SLC25A21: variants seen among roughly 807,000 people sequenced by gnomAD.
The protein encoded by SLC25A21 is mitochondrial 2-oxodicarboxylate carrier.
A neutral mutation model predicts 43.8 loss-of-function variants in SLC25A21; 47 were observed. The ratio of observed to expected loss-of-function variants is 1.07; its 90% CI spans 0.85 to 1.37. SLC25A21 has a LOEUF of 1.37. Ranked by LOEUF, SLC25A21 falls within the 40% of genes most tolerant of loss-of-function variation. The pLI is 0.00. For synonymous variants in SLC25A21, 131 were observed against 121.3 expected (o/e 1.08, Z -0.52); for missense variants, 352 against 350.2 (o/e 1.00, Z -0.04).
chr14:37,002,015 ATTAT>A (rs1960500434), intron 1 of SLC25A21, among the ~76,000 whole-genome samples: 1 of 152,198 alleles, frequency 6.6e-6, no homozygotes, highest in East Asian at 1.9e-4. Flanking sequence ...TAAATATTTC[ATTAT>A]TTATTAAGTC....
intron 3 of SLC25A21, among the ~76,000 whole-genome samples, chr14:36,786,647 A>T (rs1487764214): frequency 6.6e-6 from 1 of 152,028 alleles, no homozygotes; most frequent in Non-Finnish European, 1.5e-5. Context: ...AATCACTCTA[A>T]TTTTTTTTCT....
At chr14:36,839,643 C>T (rs566038977) in intron 2 of SLC25A21, among the ~76,000 whole-genome samples, 1 of 152,280 alleles carries the variant, frequency 6.6e-6, no homozygotes. Context: ...TCTTGGAGAT[C>T]AAGGCTTATC....
intron 1 of SLC25A21, among the ~76,000 whole-genome samples, chr14:37,112,592 T>G (rs954948141): frequency 6.6e-6 from 1 of 152,174 alleles, no homozygotes; most frequent in Non-Finnish European, 1.5e-5. Flanking sequence ...TGCAGCTAGG[T>G]GTGACCATAT....
At chr14:37,039,411 A>G (rs539565271) in intron 1 of SLC25A21, among the ~76,000 whole-genome samples, 1 of 152,334 alleles carries the variant, frequency 6.6e-6, no homozygotes, top group East Asian at 1.9e-4. Context: ...TCCCTTTAGT[A>G]CATCCCACTC....
At chr14:36,724,248 A>T (rs765204145) in intron 6 of SLC25A21, among the ~76,000 whole-genome samples, 4 of 152,200 alleles carry the variant, frequency 2.6e-5, no homozygotes, top group Non-Finnish European at 4.4e-5. Flanking sequence ...GACTGACTTC[A>T]TCTGAGTAGA....
chr14:36,753,590 AT>A (rs1885797850), intron 3 of SLC25A21, among the ~76,000 whole-genome samples: 1 of 152,202 alleles, frequency 6.6e-6, no homozygotes, highest in Non-Finnish European at 1.5e-5. Context: ...TTGAAAAAAT[AT>A]TTCATGTTCT....
At chr14:36,740,964 T>C (rs1019443928) in intron 3 of SLC25A21, among the ~76,000 whole-genome samples, 17 of 152,210 alleles carry the variant, frequency 1.1e-4, no homozygotes, top group Non-Finnish European at 1.0e-4. Flanking sequence ...AAAAGTTCCT[T>C]GCTTTAAGTT....
chr14:36,982,236 G>C (rs182593201), intron 1 of SLC25A21, among the ~76,000 whole-genome samples: 2 of 152,300 alleles, frequency 1.3e-5, no homozygotes, highest in Non-Finnish European at 2.9e-5. Context: ...TATGCTATGA[G>C]GAAGTTATTT....
chr14:37,089,828 C>T (rs930457332), intron 1 of SLC25A21, among the ~76,000 whole-genome samples: 1 of 152,196 alleles, frequency 6.6e-6, no homozygotes, highest in African/African-American at 2.4e-5. Context: ...TTAAAATATT[C>T]TGCTTTAGCC....
intron 1 of SLC25A21, among the ~76,000 whole-genome samples, chr14:37,002,400 T>C (rs1960507532): frequency 6.6e-6 from 1 of 152,202 alleles, no homozygotes; most frequent in South Asian, 2.1e-4. Context: ...TCTGTGGAAT[T>C]GTTGAGGACT....
At chr14:37,069,915 T>C (rs1183231793) in intron 1 of SLC25A21, among the ~76,000 whole-genome samples, 2 of 152,248 alleles carry the variant, frequency 1.3e-5, no homozygotes, top group Admixed American at 6.5e-5. Flanking sequence ...GAAGGCTATA[T>C]GATCCCTAAT....
At chr14:37,010,738 T>C (rs76002836) in intron 1 of SLC25A21, among the ~76,000 whole-genome samples, 3,667 of 152,276 alleles carry the variant, frequency 0.024, 73 homozygotes, top group East Asian at 0.091. Flanking sequence ...AATTCTTTCT[T>C]TCCTTCCTTA....
chr14:37,140,297 TA>T (rs1307580400), intron 1 of SLC25A21, among the ~76,000 whole-genome samples: 2 of 152,214 alleles, frequency 1.3e-5, no homozygotes, highest in Non-Finnish European at 2.9e-5. Context: ...TGTAATTCCT[TA>T]AGGGCAAGAA....
intron 1 of SLC25A21, among the ~76,000 whole-genome samples, chr14:37,005,969 C>T (rs930237492): frequency 4.7e-4 from 72 of 152,178 alleles, no homozygotes; most frequent in African/African-American, 1.6e-3. Flanking sequence ...AACTTTATTG[C>T]ACATAACCTC....
At chr14:36,972,935 T>C (rs1227669565) in intron 1 of SLC25A21, among the ~76,000 whole-genome samples, 1 of 152,104 alleles carries the variant, frequency 6.6e-6, no homozygotes, top group African/African-American at 2.4e-5. Flanking sequence ...TGGGCTCAAG[T>C]GATCCTCCCA....
At chr14:36,973,469 A>G (rs377500984) in intron 1 of SLC25A21, among the ~76,000 whole-genome samples, 1 of 152,162 alleles carries the variant, frequency 6.6e-6, no homozygotes. Context: ...TGCAGCTAGG[A>G]TGACTGTCTG....
At position 36,945,603 on chromosome 14, in the gene SLC25A21, C is replaced by T. The variant is rs1452053059; in HGVS notation, c.71-70599G>A. On this transcript the variant is annotated intron_variant, in intron 1 of 9. Coordinates refer to ENST00000331299, the MANE Select transcript of SLC25A21 (RefSeq NM_030631.4). The stretch of plus-strand genomic sequence containing the variant: ...AGGACATTATGCTACATGAAATAAG[C>T]CAGTCCTAAAAGGACAGATACTGTG... 3.3e-5 allele frequency among the ~76,000 whole-genome samples: 5 copies of T among 152,124 alleles called. No individual in the cohort carries two copies. The East Asian group carries it at 9.6e-4, about 29-fold the overall frequency.
intron 3 of SLC25A21, among the ~76,000 whole-genome samples, chr14:36,772,554 T>C (rs889845642): frequency 1.3e-5 from 2 of 152,132 alleles, no homozygotes; most frequent in Non-Finnish European, 2.9e-5. Context: ...AGTGCTTATG[T>C]GAAGAGCAGA....
chr14:36,721,495 C>T (rs117178899), intron 6 of SLC25A21, among the ~76,000 whole-genome samples: 175 of 152,252 alleles, frequency 1.1e-3, no homozygotes, highest in Non-Finnish European at 1.9e-3. Flanking sequence ...ACTGCAGGTA[C>T]GCTATTCAAG....
Sources: gnomAD v4.1 joint callset for allele counts (sites outside exome capture counted in the v4.1 genomes callset) on GRCh38, gnomAD v4.1.1 for gene constraint, MANE v1.5 for transcripts, NCBI Gene and HGNC (gene_info 2026-07-23, HGNC 2026-07-21) for gene names.